Variants in ADGRG3 observed in about 807,000 individuals in gnomAD.
ADGRG3 encodes the protein adhesion G protein-coupled receptor G3, also known as G protein-coupled receptor 97.
A neutral mutation model predicts 54.3 loss-of-function variants in ADGRG3; 39 were observed. That is an observed-to-expected ratio of 0.72 (90% CI 0.56 to 0.94). The LOEUF is 0.94. ADGRG3 is among the 40% of genes least tolerant of loss of function. The probability of loss-of-function intolerance (pLI) is 0.00; values close to 1 mark genes in which losing one functional copy is unlikely to be tolerated. For missense variants in ADGRG3, 654 were observed against 694.6 expected, an observed-to-expected ratio of 0.94 and a Z score of 0.66; for synonymous variants, 312 against 290.0, an observed-to-expected ratio of 1.08 and a Z score of -0.77.
At chr16:57,683,839 G>A in intron 8 of ADGRG3, 93 bp from the exon 9 acceptor site, 1 of 1,011,798 alleles carries the variant, frequency 9.9e-7, no homozygotes, top group Non-Finnish European at 1.4e-6. Flanking sequence ...GGGGTGGAGA[G>A]CCATAGGCTA....
At chr16:57,675,124 G>A (rs1042313353) in intron 2 of ADGRG3, among the ~76,000 whole-genome samples, 2 of 151,248 alleles carry the variant, frequency 1.3e-5, no homozygotes, top group Admixed American at 6.6e-5. Flanking sequence ...AATGGATAAC[G>A]GCATAATTAA....
chr16:57,679,667 T>C (rs1352958920), intron 5 of ADGRG3, 149 bp from the exon 6 acceptor site: 3 of 737,404 alleles, frequency 4.1e-6, no homozygotes, highest in Non-Finnish European at 7.5e-6. Context: ...TGCACTTAAT[T>C]TTTCTGTGTG....
At position 57,679,308 on chromosome 16, in the gene ADGRG3, C is replaced by A. The variant is rs1485196565; in HGVS notation, c.624C>A (p.Pro208=). ...TCGTCTTCTCTCACCAGCGACCGCC[C>A]CCTGTGAGTCCCCTGCTCAGGCCTG... ...LEIVFSHQRP[P]PNMTLTCVFW... The change falls in exon 5 of 12, where the codon CCC becomes CCA. Residue 208 remains proline (P), a synonymous_variant. Transcript: ENST00000333493. 1.2e-6 allele frequency: 2 copies of A among 1,613,614 alleles called. No homozygotes were observed. The highest frequency in any genetic ancestry group is 1.7e-5 in the Admixed American group (1 of 59,994).
At position 57,683,948 on chromosome 16, in the gene ADGRG3, T is replaced by A; in HGVS notation, c.898T>A (p.Phe300Ile). 6.5e-7 allele frequency: 1 copy of A among 1,540,578 alleles called. No individual in the cohort carries two copies. Among genetic ancestry groups the A allele is most frequent in the Non-Finnish European group, 8.8e-7 (1 of 1,139,772 alleles). ...TCACCCCAGGCTTTCCCGGGAGAGG[T>A]TCAAGTCAGAAGATGCCCCAAAGAT... is the stretch of plus-strand genomic sequence containing the variant. ...YAFLRLSRER[F>I]KSEDAPKIHV... Residue 300 changes from phenylalanine to isoleucine, a missense_variant, in exon 9 of 12, where the codon TTC (phenylalanine) becomes ATC (isoleucine). Physicochemically the swap from Phe to Ile is conservative, Grantham distance 21. Transcript: ENST00000333493.
chr16:57,679,373 G>T, intron 5 of ADGRG3, 62 bp downstream of exon 5: 2 of 1,554,554 alleles, frequency 1.3e-6, no homozygotes, highest in Non-Finnish European at 8.8e-7. Flanking sequence ...GGCACACCTG[G>T]GCCCATGGGC....
At chr16:57,668,496 G>A (rs771484728) in intron 1 of ADGRG3, 91 bp downstream of exon 1, 1 of 1,233,772 alleles carries the variant, frequency 8.1e-7, no homozygotes, top group Non-Finnish European at 1.1e-6. Flanking sequence ...AGGGACTGGA[G>A]AAGGTGAGGA....
Position 57,688,449 on chromosome 16 carries a change from A to G in ADGRG3, c.1638A>G (p.Ala546=), listed in dbSNP as rs1351943702. Residue 546 remains alanine (A), a synonymous_variant, in exon 12 of 12, where the codon GCA becomes GCG. Coordinates refer to ENST00000333493, the MANE Select transcript of ADGRG3 (RefSeq NM_170776.5). The part of the protein sequence containing the change: ...STARLDQAHS[A]SQE ...CAAGATTGGACCAGGCCCACTCCGC[A>G]TCTCAAGAATAGGAAGGCACGGCCC... The G allele has an allele frequency of 2.5e-6, 4 of 1,600,306 alleles. No homozygotes were observed. Among genetic ancestry groups the G allele is most frequent in the African/African-American group, 2.7e-5 (2 of 74,574 alleles).
intron 2 of ADGRG3, among the ~76,000 whole-genome samples, chr16:57,675,853 G>C (rs1407584059): frequency 6.6e-6 from 1 of 152,140 alleles, no homozygotes; most frequent in Non-Finnish European, 1.5e-5. Flanking sequence ...TTCCTTTGGG[G>C]TGATGAAATA....
chr16:57,676,140 G>T (rs1318477995), intron 2 of ADGRG3, 60 bp from the exon 3 acceptor site: 2 of 1,527,150 alleles, frequency 1.3e-6, no homozygotes, highest in African/African-American at 2.7e-5. Flanking sequence ...CCAGGAGCCT[G>T]ATGAGTGAGT....
chr16:57,669,153 C>T (rs2048106689), intron 1 of ADGRG3, among the ~76,000 whole-genome samples: 1 of 152,224 alleles, frequency 6.6e-6, no homozygotes. Context: ...AGTGCTCCCT[C>T]CTCAGTGCTC....
At chr16:57,687,511 G>A (rs564792988) in intron 11 of ADGRG3, among the ~76,000 whole-genome samples, 24 of 151,902 alleles carry the variant, frequency 1.6e-4, no homozygotes, top group Admixed American at 1.3e-3. Flanking sequence ...CTCAGCCTCC[G>A]AAAGTGCTGG....
rs1333832706 is a variant in ADGRG3, at chr16:57,684,466, C to A, written c.1239C>A (p.Asn413Lys). 6.2e-7 allele frequency: 1 copy of A among 1,613,348 alleles called. No homozygotes were observed. The highest frequency in any genetic ancestry group is 8.5e-7 in the Non-Finnish European group (1 of 1,179,504). The change falls in exon 10 of 12, where the codon AAC becomes AAA. Residue 413 changes from asparagine to lysine, a missense_variant. Asn to Lys is a moderately conservative substitution (Grantham distance 94). Coordinates refer to ENST00000333493, the MANE Select transcript of ADGRG3 (RefSeq NM_170776.5). ...YGLYTIRDRE[N>K]RTSLELCWFR... is the part of the protein sequence containing the mutation. ...TCTACACCATCCGTGATAGGGAGAA[C>A]CGCACCTCTCTGGAGCTGTGAGTGG...
rs1179396092 is a variant in ADGRG3, at chr16:57,684,445, C to T, written c.1218C>T (p.Tyr406=). Residue 406 remains tyrosine (Y), a synonymous_variant, in exon 10 of 12, where the codon TAC becomes TAT. Transcript: ENST00000333493. ...GTGSANSYGL[Y]TIRDRENRTS... ...GGAGTGCCAACAGCTACGGCCTCTACACCATCCGTGATAGGGAGAACCGCA... is the reference window on the plus strand; with the variant it reads ...GGAGTGCCAACAGCTACGGCCTCTATACCATCCGTGATAGGGAGAACCGCA... The T allele has an allele frequency of 1.2e-6, 2 of 1,613,930 alleles. No homozygotes were observed. Among genetic ancestry groups the T allele is most frequent in the Admixed American group, 1.7e-5 (1 of 60,020 alleles).
rs554076542 is a variant in ADGRG3 at position 57,684,468 on chromosome 16, G to T, written c.1241G>T (p.Arg414Leu). The T allele has an allele frequency of 7.4e-6, 12 of 1,612,992 alleles. No individual in the cohort carries two copies. Among genetic ancestry groups the T allele is most frequent in the Non-Finnish European group, 9.3e-6 (11 of 1,179,144 alleles). The stretch of plus-strand genomic sequence containing the variant: ...TACACCATCCGTGATAGGGAGAACC[G>T]CACCTCTCTGGAGCTGTGAGTGGCG... ...GLYTIRDREN[R>L]TSLELCWFRE... Residue 414 changes from arginine to leucine, a missense_variant, in exon 10 of 12, where the codon CGC becomes CTC. By Grantham distance (102) the Arg-to-Leu change is moderately radical. Transcript: ENST00000333493.
Position 57,685,662 on chromosome 16 carries a change from A to G in ADGRG3, c.1276A>G (p.Thr426Ala). ...CTCCAGATGCTGGTTCCGTGAAGGG[A>G]CAACCATGTACGCCCTCTATATCAC... ...SLELCWFREG[T>A]TMYALYITVH... The change falls in exon 11 of 12, where the codon ACA (threonine) becomes GCA (alanine). Residue 426 changes from threonine to alanine, a missense_variant. Physicochemically the swap from Thr to Ala is moderately conservative, Grantham distance 58. Transcript: ENST00000333493. 1.2e-6 allele frequency: 2 copies of G among 1,614,122 alleles called. No homozygotes were observed. Among genetic ancestry groups the G allele is most frequent in the Non-Finnish European group, 1.7e-6 (2 of 1,179,986 alleles).
intron 4 of ADGRG3, 190 bp from the exon 5 acceptor site, chr16:57,678,987 C>T: frequency 1.6e-6 from 1 of 639,178 alleles, no homozygotes; most frequent in South Asian, 2.0e-5. Context: ...CTGGCCCAGC[C>T]CAAGCAGGAG....
chr16:57,668,068 T>TGGGGGGGAAATGA (rs2048085193), upstream of ADGRG3: 1 of 548,868 alleles, frequency 1.8e-6, no homozygotes, highest in South Asian at 2.2e-5. Context: ...GCCCCGTAGA[T>TGGGGGGGAAATGA]CCCACCCCAG....
At chr16:57,679,888 C>T (rs1037095247) in intron 6 of ADGRG3, 33 bp downstream of exon 6, 3 of 1,558,502 alleles carry the variant, frequency 1.9e-6, no homozygotes, top group Admixed American at 3.3e-5. Context: ...TGGGGTAAGA[C>T]AGGAAGGGAG....
At chr16:57,681,348 CTGTGTG>C (rs72283299) in intron 8 of ADGRG3, 285 of 135,442 alleles carry the variant, frequency 2.1e-3, no homozygotes, top group South Asian at 0.013. Flanking sequence ...GTGTGTGTGT[CTGTGTG>C]TGTGTGTGTG....
Sources: gnomAD v4.1 joint callset for allele counts (sites outside exome capture counted in the v4.1 genomes callset) on GRCh38, gnomAD v4.1.1 for gene constraint, MANE v1.5 for transcripts, NCBI Gene and HGNC (gene_info 2026-07-23, HGNC 2026-07-21) for gene names.